DRC11: variants seen among roughly 807,000 people sequenced by gnomAD.
The protein encoded by DRC11 is IQ and AAA domain-containing protein 1.
the DRC11 span, among the ~76,000 whole-genome samples, chr2:236,422,580 T>C: frequency 1.3e-5 from 2 of 152,224 alleles, no homozygotes; most frequent in Admixed American, 6.5e-5. Flanking sequence ...GAACATTCCA[T>C]GCTCATGGGT....
chr2:236,325,450 G>T, the DRC11 span, among the ~76,000 whole-genome samples: 1 of 152,110 alleles, frequency 6.6e-6, no homozygotes, highest in Admixed American at 6.5e-5. The surrounding 1 kb of genome is among the most constrained non-coding windows in gnomAD (Gnocchi z 4.4). Flanking sequence ...AAATCTCCTT[G>T]TAACTATGTG....
the DRC11 span, among the ~76,000 whole-genome samples, chr2:236,414,109 T>C: frequency 6.6e-6 from 1 of 152,358 alleles, no homozygotes; most frequent in East Asian, 1.9e-4. Context: ...TTGAGAGTTC[T>C]GTATATATTC....
the DRC11 span, among the ~76,000 whole-genome samples, chr2:236,415,183 A>T: frequency 2.6e-5 from 4 of 152,158 alleles, no homozygotes; most frequent in Non-Finnish European, 5.9e-5. This position sits in a 1 kb window ranked among gnomAD's most constrained non-coding sequence, Gnocchi z 5.7. Context: ...TTCAACTAAC[A>T]TATTAATATT....
the DRC11 span, among the ~76,000 whole-genome samples, chr2:236,411,499 G>A: frequency 2.3e-4 from 35 of 152,000 alleles, no homozygotes; most frequent in Non-Finnish European, 4.7e-4. Context: ...AATTTCTCAG[G>A]GATCTAGAAC....
At chr2:236,324,704 T>A in the DRC11 span, 1 of 1,588,746 alleles carries the variant, frequency 6.3e-7, no homozygotes, top group Non-Finnish European at 8.6e-7. The surrounding 1 kb of genome is among the most constrained non-coding windows in gnomAD (Gnocchi z 5.7). Flanking sequence ...CCTTTTCCCT[T>A]TGTCCTTTGC....
At chr2:236,380,505 G>A in the DRC11 span, 19 of 1,314,168 alleles carry the variant, frequency 1.4e-5, no homozygotes, top group Admixed American at 4.0e-5. This position sits in a 1 kb window ranked among gnomAD's most constrained non-coding sequence, Gnocchi z 4.9. Context: ...GCGTACTCGG[G>A]GTTCCCTGTG....
chr2:236,492,351 G>C, the DRC11 span, among the ~76,000 whole-genome samples: 1 of 152,230 alleles, frequency 6.6e-6, no homozygotes, highest in Non-Finnish European at 1.5e-5. Context: ...TGGGAAATGA[G>C]AGACAGCACT....
the DRC11 span, chr2:236,324,752 T>C: frequency 5.0e-6 from 8 of 1,606,062 alleles, no homozygotes; most frequent in Non-Finnish European, 6.8e-6. The surrounding 1 kb of genome is among the most constrained non-coding windows in gnomAD (Gnocchi z 5.7). Flanking sequence ...CAAGGCACGT[T>C]TTTTACCCAG....
At chr2:236,349,396 A>T in the DRC11 span, among the ~76,000 whole-genome samples, 1 of 152,250 alleles carries the variant, frequency 6.6e-6, no homozygotes, top group Non-Finnish European at 1.5e-5. The surrounding 1 kb of genome is among the most constrained non-coding windows in gnomAD (Gnocchi z 5.5). Flanking sequence ...CAAAGGCAAG[A>T]TCTTATTTTT....
chr2:236,472,309 C>T, the DRC11 span, among the ~76,000 whole-genome samples: 1 of 152,152 alleles, frequency 6.6e-6, no homozygotes, highest in Admixed American at 6.5e-5. The surrounding 1 kb of genome is among the most constrained non-coding windows in gnomAD (Gnocchi z 4.6). Flanking sequence ...CCATTTTTGC[C>T]TCCACAATTC....
At chr2:236,324,337 G>A in the DRC11 span, 9 of 216,668 alleles carry the variant, frequency 4.2e-5, no homozygotes, top group Non-Finnish European at 6.5e-5. The surrounding 1 kb of genome is among the most constrained non-coding windows in gnomAD (Gnocchi z 5.7). Context: ...TTTTAAATTT[G>A]ACAACTAGTA....
the DRC11 span, among the ~76,000 whole-genome samples, chr2:236,348,215 G>A: frequency 6.6e-6 from 1 of 152,208 alleles, no homozygotes. The surrounding 1 kb of genome is among the most constrained non-coding windows in gnomAD (Gnocchi z 7.4). Context: ...AGGGGTCTCT[G>A]AGCTGGCAAT....
chr2:236,355,749 C>CTGTG, the DRC11 span, among the ~76,000 whole-genome samples: 26 of 107,850 alleles, frequency 2.4e-4, no homozygotes, highest in African/African-American at 4.6e-4. Context: ...CTCTCTCTCT[C>CTGTG]TGTGTGTGTG....
the DRC11 span, among the ~76,000 whole-genome samples, chr2:236,318,812 G>T: frequency 6.6e-6 from 1 of 152,078 alleles, no homozygotes; most frequent in Admixed American, 6.5e-5. The surrounding 1 kb of genome is among the most constrained non-coding windows in gnomAD (Gnocchi z 7.0). Context: ...TCTGAAATTA[G>T]CCCAGCCCAG....
At chr2:236,390,631 C>T in the DRC11 span, among the ~76,000 whole-genome samples, 30 of 152,126 alleles carry the variant, frequency 2.0e-4, 1 homozygote, top group African/African-American at 5.5e-4. This position sits in a 1 kb window ranked among gnomAD's most constrained non-coding sequence, Gnocchi z 5.9. Context: ...ACAGGCCCAA[C>T]GCTGATTTTT....
chr2:236,386,417 C>G, the DRC11 span, among the ~76,000 whole-genome samples: 11,285 of 152,056 alleles, frequency 0.074, 674 homozygotes, highest in African/African-American at 0.16. Context: ...AGGAATTTAT[C>G]CATTTCTTCT....
chr2:236,399,042 T>C, the DRC11 span, among the ~76,000 whole-genome samples: 1 of 151,670 alleles, frequency 6.6e-6, no homozygotes, highest in African/African-American at 2.4e-5. This position sits in a 1 kb window ranked among gnomAD's most constrained non-coding sequence, Gnocchi z 7.0. Flanking sequence ...CAGGCTGGAG[T>C]GCAATGGCGT....
chr2:236,474,300 A>C, the DRC11 span, among the ~76,000 whole-genome samples: 1 of 152,206 alleles, frequency 6.6e-6, no homozygotes, highest in Admixed American at 6.5e-5. Context: ...TGCTGAAAAA[A>C]TTAATACAAA....
At chr2:236,400,019 G>A in the DRC11 span, among the ~76,000 whole-genome samples, 1 of 152,144 alleles carries the variant, frequency 6.6e-6, no homozygotes, top group Non-Finnish European at 1.5e-5. This position sits in a 1 kb window ranked among gnomAD's most constrained non-coding sequence, Gnocchi z 7.9. Flanking sequence ...ACCCGGCCTG[G>A]TCCTGTCTTC....
Sources: allele counts gnomAD v4.1 joint callset (sites outside exome capture counted in the v4.1 genomes callset), GRCh38; gene constraint gnomAD v4.1.1; non-coding constraint Gnocchi (gnomAD v3.1); transcripts MANE v1.5; gene names NCBI Gene and HGNC (gene_info 2026-07-23, HGNC 2026-07-21).